The following SYNDIG1L variants were observed in gnomAD, a reference collection of about 807,000 sequenced individuals.
The protein encoded by SYNDIG1L is synapse differentiation-inducing gene protein 1-like.
A neutral mutation model predicts 20.1 loss-of-function variants in SYNDIG1L; 13 were observed. The ratio of observed to expected loss-of-function variants is 0.65; its 90% confidence interval spans 0.42 to 1.03. SYNDIG1L has a LOEUF of 1.03. Among genes scored for constraint, SYNDIG1L ranks in the 50% least tolerant of loss-of-function variants. The pLI, the probability that SYNDIG1L is intolerant of heterozygous loss-of-function variation, is 0.00. For missense variants in SYNDIG1L, 294 were observed against 305.1 expected (o/e 0.96, Z 0.27); for synonymous variants, 128 against 129.3 (o/e 0.99, Z 0.07).
the SYNDIG1L span, among the ~76,000 whole-genome samples, chr14:74,442,012 G>T: frequency 3.9e-5 from 6 of 152,270 alleles, no homozygotes; most frequent in South Asian, 8.3e-4. Context: ...TTCAGATTTT[G>T]ACTCAGCCAC....
chr14:74,471,563 A>C, the SYNDIG1L span, among the ~76,000 whole-genome samples: 5 of 151,984 alleles, frequency 3.3e-5, no homozygotes, highest in Non-Finnish European at 7.4e-5. Flanking sequence ...ACACCACTGC[A>C]CTGCAGCCTG....
the SYNDIG1L span, among the ~76,000 whole-genome samples, chr14:74,458,031 C>T: frequency 6.6e-6 from 1 of 152,096 alleles, no homozygotes; most frequent in Admixed American, 6.5e-5. Flanking sequence ...AACTCCTGGG[C>T]TCAAGTGATC....
At chr14:74,446,419 T>A in the SYNDIG1L span, among the ~76,000 whole-genome samples, 1 of 151,758 alleles carries the variant, frequency 6.6e-6, no homozygotes, top group African/African-American at 2.4e-5. Context: ...GTGAGAAAAA[T>A]TCAATTAATG....
At chr14:74,468,720 C>G in the SYNDIG1L span, among the ~76,000 whole-genome samples, 1 of 152,132 alleles carries the variant, frequency 6.6e-6, no homozygotes, top group Non-Finnish European at 1.5e-5. Flanking sequence ...CACTCACCTC[C>G]CACTGACCCA....
chr14:74,473,415 C>CA, the SYNDIG1L span, among the ~76,000 whole-genome samples: 3 of 151,972 alleles, frequency 2.0e-5, no homozygotes, highest in Non-Finnish European at 2.9e-5. Context: ...ATAAATACTC[C>CA]AAAAAATCTC....
chr14:74,423,864 A>ATGG lies in SYNDIG1L; in HGVS notation c.-58+2045_-58+2047dup, dbSNP rs762514753. Among the ~76,000 whole-genome samples, 120 of 146,314 alleles carry ATGG rather than the reference A, an allele frequency of 8.2e-4. 1 individual carries two copies. The highest frequency in any genetic ancestry group is 2.4e-3 in the African/African-American group (97 of 40,138). The stretch of plus-strand genomic sequence containing the variant: ...CCTGGCCCTTTGTTACTCACAAGAG[A>ATGG]TGGTGGTGGTGGTGGTGGTGGTGGT... On this transcript the variant is annotated intron_variant, in intron 1 of 3. Coordinates refer to ENST00000331628, the MANE Select transcript of SYNDIG1L (RefSeq NM_001105579.2).
At chr14:74,459,945 C>T in the SYNDIG1L span, among the ~76,000 whole-genome samples, 6 of 152,212 alleles carry the variant, frequency 3.9e-5, no homozygotes, top group African/African-American at 1.4e-4. Flanking sequence ...GGCTTCTGCT[C>T]TCCTCCCAGA....
chr14:74,440,106 G>A, the SYNDIG1L span, among the ~76,000 whole-genome samples: 2 of 152,010 alleles, frequency 1.3e-5, no homozygotes, highest in Non-Finnish European at 1.5e-5. Context: ...CGGGCTGGGC[G>A]CGGTGGCTCA....
At chr14:74,408,583 A>C (rs1006939472) in intron 2 of SYNDIG1L, among the ~76,000 whole-genome samples, 1 of 151,056 alleles carries the variant, frequency 6.6e-6, no homozygotes, top group Admixed American at 6.6e-5. Flanking sequence ...AAAAAAAAAG[A>C]AACACTTTCA....
chr14:74,479,894 T>C, the SYNDIG1L span: 2 of 1,050,420 alleles, frequency 1.9e-6, no homozygotes, highest in African/African-American at 1.7e-5. Context: ...TCCATGGTTC[T>C]AGCAGAATGT....
At chr14:74,449,438 CAAAAAAAAAAA>C in the SYNDIG1L span, among the ~76,000 whole-genome samples, 59 of 34,018 alleles carry the variant, frequency 1.7e-3, 1 homozygote, top group Admixed American at 6.4e-3. Context: ...CCTGTCTTTA[CAAAAAAAAAAA>C]AAAAAAAAAA....
At chr14:74,476,661 C>T in the SYNDIG1L span, 1 of 1,205,726 alleles carries the variant, frequency 8.3e-7, no homozygotes, top group Non-Finnish European at 1.2e-6. Flanking sequence ...TCCACTCACC[C>T]ACATTGCCCA....
At chr14:74,467,490 G>C in the SYNDIG1L span, among the ~76,000 whole-genome samples, 1 of 152,158 alleles carries the variant, frequency 6.6e-6, no homozygotes, top group Non-Finnish European at 1.5e-5. Flanking sequence ...TCCACCCCCA[G>C]AGCAGCTCAG....
Position 74,406,253 on chromosome 14 carries a change from G to C in SYNDIG1L, c.*1282C>G. 5.0e-6 allele frequency: 2 copies of C among 396,792 alleles called. No homozygotes were observed. The highest frequency in any genetic ancestry group is 4.4e-5 in the Admixed American group (1 of 22,694). 24.6% of individuals were successfully genotyped at this position (396,792 alleles called of 1,614,324 possible). A position where few individuals can be genotyped will look rare whatever the true frequency, so the allele number is the denominator to read the frequency against. ...AGTGAAGATGCCCCAGGGGTAACCA[G>C]GTACCCACCACTGACCCCCTAGCAT... On this transcript the variant is annotated 3_prime_UTR_variant, in exon 4 of 4. Coordinates refer to ENST00000331628, the MANE Select transcript of SYNDIG1L (RefSeq NM_001105579.2).
Position 74,420,638 on chromosome 14 carries a change from C to T in SYNDIG1L, c.-58+5274G>A, listed in dbSNP as rs549993509. 9.9e-5 allele frequency among the ~76,000 whole-genome samples: 15 copies of T among 152,232 alleles called. No individual in the cohort carries two copies. In the East Asian group the frequency reaches 2.1e-3, roughly 22 times the overall value. ...AGACAGAAAACCTAAGGGGAGGCTG[C>T]TGCCGGTTCAAGAGGGTAGCCTGAA... is the stretch of plus-strand genomic sequence containing the variant. On this transcript the variant is annotated intron_variant, in intron 1 of 3. Coordinates refer to ENST00000331628, the MANE Select transcript of SYNDIG1L (RefSeq NM_001105579.2).
chr14:74,438,990 TG>T, the SYNDIG1L span, among the ~76,000 whole-genome samples: 19 of 152,178 alleles, frequency 1.2e-4, no homozygotes, highest in East Asian at 3.7e-3. Flanking sequence ...GGCACGTGCC[TG>T]TAATCCCAGC....
chr14:74,438,148 C>T, the SYNDIG1L span, among the ~76,000 whole-genome samples: 2 of 152,136 alleles, frequency 1.3e-5, no homozygotes, highest in Non-Finnish European at 2.9e-5. Flanking sequence ...ACCACATAAC[C>T]AAGCACATCA....
At chr14:74,440,846 G>A in the SYNDIG1L span, among the ~76,000 whole-genome samples, 1 of 152,152 alleles carries the variant, frequency 6.6e-6, no homozygotes, top group Admixed American at 6.5e-5. Flanking sequence ...CATAGATATA[G>A]CTGTTTGTTT....
At chr14:74,416,212 A>G (rs1159665789) in intron 1 of SYNDIG1L, among the ~76,000 whole-genome samples, 1 of 151,930 alleles carries the variant, frequency 6.6e-6, no homozygotes. Context: ...CTTTTTCCAC[A>G]TGTTCTAATG....
Sources: allele counts gnomAD v4.1 joint callset (sites outside exome capture counted in the v4.1 genomes callset), GRCh38; gene constraint gnomAD v4.1.1; transcripts MANE v1.5; gene names NCBI Gene and HGNC (gene_info 2026-07-23, HGNC 2026-07-21).